UBE2QL1: variants seen among roughly 807,000 people sequenced by gnomAD.
UBE2QL1 encodes ubiquitin conjugating enzyme E2 QL1, also known as ubiquitin-conjugating enzyme E2Q-like protein 1.
Under a neutral mutation model 12.6 loss-of-function variants are expected in UBE2QL1, and 5 were observed. That is an observed-to-expected ratio of 0.40 (90% CI 0.21 to 0.83). UBE2QL1 has a LOEUF of 0.83. UBE2QL1 is among the 40% of genes least tolerant of loss of function. UBE2QL1 has a pLI of 0.37. For missense variants in UBE2QL1, 99 were observed against 222.6 expected (o/e 0.44, Z 3.53); for synonymous variants, 96 against 94.5 (o/e 1.02, Z -0.10).
At chr5:6,457,057 C>G (rs1739541597) in intron 1 of UBE2QL1, among the ~76,000 whole-genome samples, 1 of 151,830 alleles carries the variant, frequency 6.6e-6, no homozygotes, top group Non-Finnish European at 1.5e-5. Flanking sequence ...CCTGTCCATC[C>G]TCCCTGATGC....
intron 1 of UBE2QL1, among the ~76,000 whole-genome samples, chr5:6,485,859 TAAGAC>T (rs1363212166): frequency 6.6e-6 from 1 of 152,194 alleles, no homozygotes; most frequent in Non-Finnish European, 1.5e-5. Flanking sequence ...GTCAACCTGT[TAAGAC>T]AGACATAATT....
At chr5:6,477,175 AC>A (rs1396984743) in intron 1 of UBE2QL1, among the ~76,000 whole-genome samples, 1 of 151,892 alleles carries the variant, frequency 6.6e-6, no homozygotes, top group African/African-American at 2.4e-5. Flanking sequence ...CTCCATCCTG[AC>A]CTCCACGTGC....
At chr5:6,452,333 CTTAAA>C (rs887053225) in intron 1 of UBE2QL1, among the ~76,000 whole-genome samples, 4 of 152,076 alleles carry the variant, frequency 2.6e-5, no homozygotes, top group Non-Finnish European at 4.4e-5. Context: ...TTCTGGTTGT[CTTAAA>C]TTAAATTAAT....
chr5:6,449,444 G>T (rs1739366800), intron 1 of UBE2QL1, among the ~76,000 whole-genome samples, 197 bp downstream of exon 1: 1 of 152,094 alleles, frequency 6.6e-6, no homozygotes, highest in South Asian at 2.1e-4. Flanking sequence ...TCCTGCCCCT[G>T]CTTTCCGTCC....
intron 1 of UBE2QL1, among the ~76,000 whole-genome samples, chr5:6,477,340 G>T (rs1054744706): frequency 6.6e-6 from 1 of 152,152 alleles, no homozygotes; most frequent in Admixed American, 6.5e-5. Context: ...TGCACTGAAG[G>T]TCAGCCTGCT....
intron 1 of UBE2QL1, among the ~76,000 whole-genome samples, chr5:6,483,854 C>T (rs1026397375): frequency 2.6e-5 from 4 of 152,182 alleles, no homozygotes; most frequent in Non-Finnish European, 5.9e-5. Flanking sequence ...ACCCAATGCA[C>T]TGTCCTCTAT....
intron 1 of UBE2QL1, among the ~76,000 whole-genome samples, chr5:6,473,363 C>CT (rs1219254494): frequency 1.3e-5 from 2 of 152,338 alleles, no homozygotes; most frequent in African/African-American, 4.8e-5. Flanking sequence ...TGTCTGCTCT[C>CT]TATCTGGAGC....
intron 1 of UBE2QL1, among the ~76,000 whole-genome samples, chr5:6,470,533 C>A (rs1469090008): frequency 2.0e-5 from 3 of 152,192 alleles, no homozygotes; most frequent in African/African-American, 7.2e-5. Context: ...CGTGTGCACA[C>A]ACACACTTCC....
chr5:6,459,590 G>A (rs1429724195), intron 1 of UBE2QL1, among the ~76,000 whole-genome samples: 4 of 152,110 alleles, frequency 2.6e-5, no homozygotes, highest in African/African-American at 9.7e-5. Context: ...GATTTCAAAG[G>A]AAGCCAATTA....
intron 1 of UBE2QL1, among the ~76,000 whole-genome samples, chr5:6,453,647 C>T (rs537629218): frequency 2.6e-5 from 4 of 152,214 alleles, no homozygotes; most frequent in Admixed American, 1.3e-4. Flanking sequence ...CTAAAATCCA[C>T]CTTAGGTCTG....
Position 6,494,643 on chromosome 5 carries a change from C to T in UBE2QL1, c.*3294C>T, listed in dbSNP as rs1368942061. 1 of 152,276 alleles carries T rather than the reference C, an allele frequency of 6.6e-6. No homozygotes were observed. The highest frequency in any genetic ancestry group is 1.9e-4 in the East Asian group (1 of 5,184). The allele number at this position is 152,276 out of a possible 1,614,324, so 9.4% of individuals were successfully genotyped here. A position where few individuals can be genotyped will look rare whatever the true frequency, so the allele number is the denominator to read the frequency against. ...GTCAACGAAATGTAAGTGTCATTTT[C>T]GTAGTATTAGGACGTTTACATTACA... On this transcript the variant is annotated 3_prime_UTR_variant, in exon 2 of 2. Coordinates refer to ENST00000399816, the MANE Select transcript of UBE2QL1 (RefSeq NM_001145161.3).
In UBE2QL1 at chr5:6,481,182, C is replaced by A. The variant is rs1341340997; in HGVS notation, c.355-10036C>A. Among the ~76,000 whole-genome samples, 1 of 152,224 alleles carries A rather than the reference C, an allele frequency of 6.6e-6. No homozygotes were observed. Among genetic ancestry groups the A allele is most frequent in the South Asian group, 2.1e-4 (1 of 4,814 alleles). ...CGTTGTGGCTGCACCTGCCCTAATT[C>A]CCCGTTTCTAGATTTCCTGCTTCTC... On this transcript the variant is annotated intron_variant, in intron 1 of 1. Transcript: ENST00000399816. This position sits in a 1 kb window ranked among gnomAD's most constrained non-coding sequence, Gnocchi z 4.5.
At chr5:6,485,853 A>G (rs1734458221) in intron 1 of UBE2QL1, among the ~76,000 whole-genome samples, 1 of 152,248 alleles carries the variant, frequency 6.6e-6, no homozygotes, top group African/African-American at 2.4e-5. Context: ...ATTAATGTCA[A>G]CCTGTTAAGA....
At chr5:6,482,928 C>T (rs572211518) in intron 1 of UBE2QL1, among the ~76,000 whole-genome samples, 1 of 152,200 alleles carries the variant, frequency 6.6e-6, no homozygotes, top group East Asian at 1.9e-4. Flanking sequence ...TGCAGAGATG[C>T]CAGATGTTTT....
chr5:6,455,355 C>T (rs923877121), intron 1 of UBE2QL1, among the ~76,000 whole-genome samples: 16 of 152,120 alleles, frequency 1.1e-4, no homozygotes, highest in Non-Finnish European at 2.1e-4. Context: ...GCAGATAAGA[C>T]ACCAGCAGAA....
chr5:6,453,936 AGT>A (rs1196775564), intron 1 of UBE2QL1, among the ~76,000 whole-genome samples: 1 of 152,184 alleles, frequency 6.6e-6, no homozygotes, highest in East Asian at 1.9e-4. Flanking sequence ...GCTGGAGTGC[AGT>A]GGCATGATCA....
rs1026088051 is a variant in UBE2QL1, at chr5:6,492,882, T to C, written c.*1533T>C. On this transcript the variant is annotated 3_prime_UTR_variant, in exon 2 of 2. Coordinates refer to ENST00000399816, the MANE Select transcript of UBE2QL1 (RefSeq NM_001145161.3). ...GGAGGAAAAGTCTTCCGGGATAATG[T>C]ATTCAATTCTTCAGGCAGTTTTGTC... 6 of 152,270 alleles carry C rather than the reference T, an allele frequency of 3.9e-5. No homozygotes were observed. Among genetic ancestry groups the C allele is most frequent in the African/African-American group, 1.4e-4 (6 of 41,468 alleles). The allele number at this position is 152,270 out of a possible 1,614,324, so 9.4% of individuals were successfully genotyped here.
At chr5:6,474,597 G>A (rs994827254) in intron 1 of UBE2QL1, among the ~76,000 whole-genome samples, 7 of 152,188 alleles carry the variant, frequency 4.6e-5, no homozygotes, top group South Asian at 2.1e-4. Flanking sequence ...AAAATACTGC[G>A]TGGGACACAT....
At chr5:6,483,534 G>T (rs534676821) in intron 1 of UBE2QL1, among the ~76,000 whole-genome samples, 1 of 152,152 alleles carries the variant, frequency 6.6e-6, no homozygotes, top group African/African-American at 2.4e-5. Flanking sequence ...TCAGCAGGGC[G>T]CAGCCAGCCT....
Sources: gnomAD v4.1 joint callset for allele counts (sites outside exome capture counted in the v4.1 genomes callset) on GRCh38, gnomAD v4.1.1 for gene constraint, Gnocchi (gnomAD v3.1) non-coding constraint, MANE v1.5 for transcripts, NCBI Gene and HGNC (gene_info 2026-07-23, HGNC 2026-07-21) for gene names.